The following MTREX variants were observed in gnomAD, a reference collection of about 807,000 sequenced individuals.
MTREX encodes the protein Mtr4 exosome RNA helicase.
MTREX carries 76 observed loss-of-function variants against 135.4 expected under a neutral mutation model. That is an observed-to-expected ratio of 0.56 (90% CI 0.47 to 0.68). The LOEUF (loss-of-function observed/expected upper bound fraction) is 0.68, where lower values mean the gene tolerates loss of function less well. MTREX is among the 30% of genes least tolerant of loss of function. MTREX has a pLI of 0.00. For synonymous variants in MTREX, 404 were observed against 401.6 expected, an observed-to-expected ratio of 1.01 and a Z score of -0.07; for missense variants, 920 against 1,262.1, an observed-to-expected ratio of 0.73 and a Z score of 4.11.
At chr5:55,392,557 A>T (rs1030494576) in intron 19 of MTREX, among the ~76,000 whole-genome samples, 2 of 151,926 alleles carry the variant, frequency 1.3e-5, no homozygotes, top group Non-Finnish European at 2.9e-5. Context: ...AAAAAAAAAA[A>T]AAAAAAATTC....
chr5:55,402,239 A>G (rs1750732761), intron 21 of MTREX, among the ~76,000 whole-genome samples: 1 of 152,224 alleles, frequency 6.6e-6, no homozygotes, highest in African/African-American at 2.4e-5. Context: ...GCTGCTAGGC[A>G]GGAAGCTTGC....
chr5:55,399,982 T>C (rs1278560462), intron 20 of MTREX, among the ~76,000 whole-genome samples: 1 of 152,218 alleles, frequency 6.6e-6, no homozygotes, highest in Non-Finnish European at 1.5e-5. Flanking sequence ...AGGACTATGA[T>C]CAAATTGTGA....
chr5:55,398,930 C>T (rs1313801149), intron 20 of MTREX, among the ~76,000 whole-genome samples: 1 of 152,180 alleles, frequency 6.6e-6, no homozygotes, highest in African/African-American at 2.4e-5. Context: ...TGAGAAGCCA[C>T]AGGAGGAAGA....
intron 5 of MTREX, among the ~76,000 whole-genome samples, chr5:55,336,677 T>C (rs1334573174): frequency 6.6e-6 from 1 of 152,198 alleles, no homozygotes; most frequent in African/African-American, 2.4e-5. Context: ...CCCCCTCATA[T>C]AGCAGAATCC....
Position 55,362,331 on chromosome 5 carries a change from A to G in MTREX, c.1659+3633A>G, listed in dbSNP as rs186680089. Among the ~76,000 whole-genome samples, 3 of 151,948 alleles carry G rather than the reference A, an allele frequency of 2.0e-5. No homozygotes were observed. In the South Asian group the frequency reaches 6.3e-4, roughly 32 times the overall value. ...GCTATTAGCTTAAACAGAATTTGACATAAGGCAGCAGTTTTTTTGTTTTTT... is the reference window on the plus strand; with the variant it reads ...GCTATTAGCTTAAACAGAATTTGACGTAAGGCAGCAGTTTTTTTGTTTTTT... On this transcript the variant is annotated intron_variant, in intron 15 of 26. Transcript: ENST00000230640.
intron 14 of MTREX, 64 bp downstream of exon 14, chr5:55,353,333 T>G (rs1395503586): frequency 9.8e-6 from 10 of 1,023,450 alleles, no homozygotes; most frequent in Middle Eastern, 2.1e-4. Context: ...ATAACTGGCT[T>G]ACATAGTCTT....
At chr5:55,342,639 T>C (rs1391780447) in intron 7 of MTREX, among the ~76,000 whole-genome samples, 1 of 152,206 alleles carries the variant, frequency 6.6e-6, no homozygotes, top group Non-Finnish European at 1.5e-5. Context: ...ATGTACACGC[T>C]TAAAATAAGA....
At chr5:55,414,848 C>G (rs1027656040) in intron 24 of MTREX, among the ~76,000 whole-genome samples, 1 of 152,124 alleles carries the variant, frequency 6.6e-6, no homozygotes, top group Non-Finnish European at 1.5e-5. Flanking sequence ...CGAGGTTTCA[C>G]CATGTTGGCC....
At chr5:55,339,578 A>G (rs1039593322) in intron 5 of MTREX, among the ~76,000 whole-genome samples, 5 of 152,224 alleles carry the variant, frequency 3.3e-5, no homozygotes, top group African/African-American at 4.8e-5. Flanking sequence ...GTTAACTGTT[A>G]CATGTGGGAA....
chr5:55,395,451 A>G (rs1405443155), intron 19 of MTREX, among the ~76,000 whole-genome samples: 1 of 152,136 alleles, frequency 6.6e-6, no homozygotes, highest in Non-Finnish European at 1.5e-5. Flanking sequence ...AAAAGTCACC[A>G]TTAGGCAACT....
intron 16 of MTREX, among the ~76,000 whole-genome samples, chr5:55,370,420 G>GT (rs1750177260): frequency 6.6e-6 from 1 of 152,022 alleles, no homozygotes; most frequent in Non-Finnish European, 1.5e-5. Context: ...TTTGTGTTTT[G>GT]TTTTTTCAAT....
chr5:55,383,604 T>G (rs1364658530), intron 18 of MTREX, among the ~76,000 whole-genome samples: 2 of 152,212 alleles, frequency 1.3e-5, no homozygotes, highest in Non-Finnish European at 2.9e-5. Context: ...AGATTTTCTC[T>G]TTTTGATTTG....
intron 9 of MTREX, 131 bp from the exon 10 acceptor site, chr5:55,344,963 T>C (rs1475985389): frequency 3.2e-6 from 2 of 634,234 alleles, no homozygotes; most frequent in Non-Finnish European, 5.5e-6. Context: ...CCACAGATCA[T>C]GTTTGGACTA....
chr5:55,314,161 G>A (rs370926963), intron 1 of MTREX, among the ~76,000 whole-genome samples: 2 of 152,290 alleles, frequency 1.3e-5, no homozygotes, highest in African/African-American at 4.8e-5. Context: ...ATTCCTAGAA[G>A]CGAATTACTA....
At chr5:55,406,638 T>C (rs550599532) in intron 22 of MTREX, among the ~76,000 whole-genome samples, 1 of 152,340 alleles carries the variant, frequency 6.6e-6, no homozygotes, top group East Asian at 1.9e-4. Context: ...AAGTGGCTAT[T>C]GTTCAGTATG....
chr5:55,344,617 A>G lies in MTREX; in HGVS notation c.1002A>G (p.Glu334=), dbSNP rs774405064. The change falls in exon 9 of 27, where the codon GAA becomes GAG. Residue 334 remains glutamate, a synonymous_variant. Coordinates refer to ENST00000230640, the MANE Select transcript of MTREX (RefSeq NM_015360.5). ...ATGGCCTGCATCTTGTGGTTGATGA[A>G]AATGTAAGAGAGTAATTGTCCTTTT... The part of the protein sequence containing the change: ...GGDGLHLVVD[E]NGDFREDNFN... The G allele has an allele frequency of 1.3e-6, 2 of 1,572,982 alleles. No homozygotes were observed. The highest frequency in any genetic ancestry group is 1.7e-6 in the Non-Finnish European group (2 of 1,144,946).
intron 14 of MTREX, among the ~76,000 whole-genome samples, chr5:55,358,026 G>A (rs1376872398): frequency 6.6e-6 from 1 of 152,218 alleles, no homozygotes; most frequent in Non-Finnish European, 1.5e-5. Flanking sequence ...TTGAGTTTGA[G>A]TCATTGCATT....
chr5:55,318,261 A>G (rs1296104467), intron 1 of MTREX, among the ~76,000 whole-genome samples: 3 of 152,220 alleles, frequency 2.0e-5, no homozygotes, highest in Non-Finnish European at 2.9e-5. Flanking sequence ...CAGCAATCCC[A>G]TTACTGGGTA....
intron 19 of MTREX, among the ~76,000 whole-genome samples, chr5:55,396,061 C>T (rs901240160): frequency 7.2e-5 from 11 of 152,024 alleles, no homozygotes; most frequent in Admixed American, 6.5e-4. Flanking sequence ...AGAAAGAGAA[C>T]GATGAAGCAA....
Sources: gnomAD v4.1 joint callset for allele counts (sites outside exome capture counted in the v4.1 genomes callset) on GRCh38, gnomAD v4.1.1 for gene constraint, MANE v1.5 for transcripts, NCBI Gene and HGNC (gene_info 2026-07-23, HGNC 2026-07-21) for gene names.